EYA4: variants seen among roughly 807,000 people sequenced by gnomAD.
The protein encoded by EYA4 is EYA transcriptional coactivator and phosphatase 4, also known as protein phosphatase EYA4.
EYA4 carries 31 observed loss-of-function variants against 87.9 expected under a neutral mutation model. The ratio of observed to expected loss-of-function variants is 0.35; its 90% CI spans 0.27 to 0.48. EYA4 has a LOEUF of 0.48. Among genes scored for constraint, EYA4 ranks in the 20% least tolerant of loss-of-function variants. The pLI is 0.99. For missense variants in EYA4, 678 were observed against 761.4 expected, an observed-to-expected ratio of 0.89 and a Z score of 1.29; for synonymous variants, 263 against 270.6, an observed-to-expected ratio of 0.97 and a Z score of 0.28.
At chr6:133,371,404 C>T (rs537749713) in intron 2 of EYA4, among the ~76,000 whole-genome samples, 12 of 152,258 alleles carry the variant, frequency 7.9e-5, no homozygotes, top group Non-Finnish European at 1.6e-4. Flanking sequence ...TTCTGAAATA[C>T]TCTGCAATTG....
chr6:133,491,595 A>G (rs1009241194), intron 13 of EYA4, among the ~76,000 whole-genome samples: 2 of 152,142 alleles, frequency 1.3e-5, no homozygotes, highest in Non-Finnish European at 2.9e-5. Flanking sequence ...TCAAGATTGA[A>G]TCATGAAGAA....
intron 2 of EYA4, among the ~76,000 whole-genome samples, chr6:133,340,330 G>A (rs951574802): frequency 7.2e-5 from 11 of 152,290 alleles, no homozygotes; most frequent in African/African-American, 2.6e-4. Flanking sequence ...CTGAATGCAA[G>A]AATGGTTCTT....
chr6:133,299,184 G>GA (rs1366215855), intron 2 of EYA4, among the ~76,000 whole-genome samples: 5 of 152,124 alleles, frequency 3.3e-5, no homozygotes, highest in Non-Finnish European at 7.4e-5. Flanking sequence ...TGTCCTCAGG[G>GA]AGTCACTTAG....
rs181345637 is a variant in EYA4, at chr6:133,293,734, G to A, written c.33+18921G>A. Reference sequence around the variant, plus strand: ...GGGGATTTCTTGAGCCCAGGGGTTCGACACCAGCCTGGGCAACATGGTGAA... The same window carrying A: ...GGGGATTTCTTGAGCCCAGGGGTTCAACACCAGCCTGGGCAACATGGTGAA... On this transcript the variant is annotated intron_variant, in intron 2 of 19. Coordinates refer to ENST00000355286, the MANE Select transcript of EYA4 (RefSeq NM_004100.5). Among the ~76,000 whole-genome samples the A allele has an allele frequency of 9.5e-4, 144 of 151,830 alleles. 2 individuals carry two copies. The highest frequency in any genetic ancestry group is 3.3e-3 in the African/African-American group (138 of 41,392).
intron 2 of EYA4, among the ~76,000 whole-genome samples, chr6:133,372,621 T>G (rs1008129048): frequency 6.6e-6 from 1 of 151,800 alleles, no homozygotes; most frequent in Non-Finnish European, 1.5e-5. Context: ...AAGAACTTGA[T>G]GCCAACATTC....
At chr6:133,464,581 A>G (rs1320927416) in intron 9 of EYA4, among the ~76,000 whole-genome samples, 198 bp from the exon 10 acceptor site, 1 of 152,102 alleles carries the variant, frequency 6.6e-6, no homozygotes, top group East Asian at 1.9e-4. Context: ...AGCTCAACAG[A>G]TTCAATAGGA....
chr6:133,463,511 C>G (rs951200645), intron 9 of EYA4, among the ~76,000 whole-genome samples: 1 of 151,908 alleles, frequency 6.6e-6, no homozygotes, highest in African/African-American at 2.4e-5. Flanking sequence ...CAGGTGTGCA[C>G]CACCACACCC....
chr6:133,246,137 G>C (rs916694889), intron 1 of EYA4, among the ~76,000 whole-genome samples: 2 of 152,120 alleles, frequency 1.3e-5, no homozygotes, highest in African/African-American at 4.8e-5. Flanking sequence ...GAGTCTCACT[G>C]TAACCTTTTT....
At chr6:133,441,705 G>A (rs1315751546) in intron 3 of EYA4, among the ~76,000 whole-genome samples, 1 of 152,114 alleles carries the variant, frequency 6.6e-6, no homozygotes, top group Non-Finnish European at 1.5e-5. Context: ...GCAGGTAGTA[G>A]GTAATTGGAA....
At chr6:133,274,080 A>C (rs995699655) in intron 1 of EYA4, among the ~76,000 whole-genome samples, 3 of 152,166 alleles carry the variant, frequency 2.0e-5, no homozygotes, top group Non-Finnish European at 4.4e-5. Flanking sequence ...TCATTTGAAA[A>C]TATTTTAATG....
chr6:133,319,837 C>T (rs1422601655), intron 2 of EYA4, among the ~76,000 whole-genome samples: 1 of 151,872 alleles, frequency 6.6e-6, no homozygotes, highest in Non-Finnish European at 1.5e-5. Context: ...CATCTCAGCC[C>T]CCCAGAGTAG....
intron 17 of EYA4, 81 bp from the exon 18 acceptor site, chr6:133,522,975 G>T: frequency 1.6e-6 from 2 of 1,248,022 alleles, no homozygotes; most frequent in South Asian, 2.4e-5. Context: ...AAGGAATTTA[G>T]AGACCACAGT....
intron 2 of EYA4, among the ~76,000 whole-genome samples, chr6:133,283,653 T>C (rs1308010964): frequency 6.6e-6 from 1 of 152,170 alleles, no homozygotes; most frequent in Admixed American, 6.5e-5. Flanking sequence ...ACTCACATAG[T>C]CTTTATTCCA....
chr6:133,240,777 G>C (rs890729940), upstream of EYA4: 2 of 152,402 alleles, frequency 1.3e-5, no homozygotes, highest in African/African-American at 4.8e-5. Context: ...GTCTGGTCTG[G>C]GTTGGTTTTT....
chr6:133,320,273 C>G (rs567177949), intron 2 of EYA4, among the ~76,000 whole-genome samples: 32 of 151,584 alleles, frequency 2.1e-4, no homozygotes, highest in African/African-American at 7.0e-4. Context: ...AGGGATCACT[C>G]TTCCACTTTA....
chr6:133,423,132 G>A (rs576564413), intron 3 of EYA4, among the ~76,000 whole-genome samples: 1 of 152,188 alleles, frequency 6.6e-6, no homozygotes, highest in African/African-American at 2.4e-5. Context: ...ATGACTGGAG[G>A]GTTTGCAGGA....
intron 2 of EYA4, among the ~76,000 whole-genome samples, chr6:133,342,229 C>T (rs963191397): frequency 4.6e-5 from 7 of 151,316 alleles, no homozygotes; most frequent in African/African-American, 1.7e-4. Flanking sequence ...GTGGCTGGTG[C>T]CATGGAAGCA....
At chr6:133,260,835 A>AT in intron 1 of EYA4, among the ~76,000 whole-genome samples, 1 of 152,026 alleles carries the variant, frequency 6.6e-6, no homozygotes, top group East Asian at 1.9e-4. Flanking sequence ...GAGTTTTTCT[A>AT]TCCCCCCTCC....
In EYA4 at chr6:133,531,231, T is replaced by G; in HGVS notation, c.*2426T>G. On this transcript the variant is annotated 3_prime_UTR_variant, in exon 20 of 20. Transcript: ENST00000355286. ...CAGAAGAGGCTGCCGGCATAAAACC[T>G]AAATGCAAGGTTGACGGAGAACAGC... The G allele has an allele frequency of 1.3e-6, 2 of 1,532,696 alleles. No individual in the cohort carries two copies. Among genetic ancestry groups the G allele is most frequent in the East Asian group, 4.9e-5 (2 of 40,896 alleles). The allele number at this position is 1,532,696 out of a possible 1,614,324, so 94.9% of individuals were successfully genotyped here.
Sources: gnomAD v4.1 joint callset for allele counts (sites outside exome capture counted in the v4.1 genomes callset) on GRCh38, gnomAD v4.1.1 for gene constraint, MANE v1.5 for transcripts, NCBI Gene and HGNC (gene_info 2026-07-23, HGNC 2026-07-21) for gene names.